The following BMPR1B variants were observed in gnomAD, a reference collection of about 807,000 sequenced individuals.
BMPR1B encodes bone morphogenetic protein receptor type-1B.
Under a neutral mutation model 59.1 loss-of-function variants are expected in BMPR1B, and 12 were observed. That is an observed-to-expected ratio of 0.20 (90% CI 0.13 to 0.33). The LOEUF (loss-of-function observed/expected upper bound fraction) is 0.33, where lower values mean the gene tolerates loss of function less well. Among genes scored for constraint, BMPR1B ranks in the 10% least tolerant of loss-of-function variants. The pLI is 1.00. For missense variants in BMPR1B, 550 were observed against 610.9 expected (o/e 0.90, Z 1.05); for synonymous variants, 237 against 207.3 (o/e 1.14, Z -1.23).
At chr4:95,086,998 CTTTTTTT>C (rs34460668) in intron 3 of BMPR1B, among the ~76,000 whole-genome samples, 1 of 103,100 alleles carries the variant, frequency 9.7e-6, no homozygotes, top group Non-Finnish European at 1.9e-5. Flanking sequence ...TCATATCCTT[CTTTTTTT>C]TTTTTTTTTT....
chr4:95,075,064 C>G (rs1391787049), intron 3 of BMPR1B, among the ~76,000 whole-genome samples: 1 of 152,104 alleles, frequency 6.6e-6, no homozygotes, highest in Non-Finnish European at 1.5e-5. Context: ...CCCACTTACT[C>G]TTAAGTAATT....
Position 95,125,053 on chromosome 4 carries a change from G to A in BMPR1B, c.517G>A (p.Gly173Arg). Residue 173 changes from glycine to arginine, a missense_variant, in exon 8 of 13, where the codon GGA (glycine) becomes AGA (arginine). Transcript: ENST00000515059. ...LEQDETYIPP[G>R]ESLRDLIEQS... ...ACAGGATGAAACTTACATTCCTCCT[G>A]GAGAATCCCTGAGAGACTTAATTGA... 1.2e-6 allele frequency: 2 copies of A among 1,613,762 alleles called. No individual in the cohort carries two copies. Among genetic ancestry groups the A allele is most frequent in the Admixed American group, 1.7e-5 (1 of 59,950 alleles).
intron 2 of BMPR1B, among the ~76,000 whole-genome samples, chr4:94,902,241 CACACACACAGAGAGAGAGAGAG>C (rs1376797108): frequency 2.0e-5 from 2 of 97,766 alleles, no homozygotes; most frequent in Non-Finnish European, 4.2e-5. Flanking sequence ...CACACACACA[CACACACACAGAGAGAGAGAGAG>C]AGAGAGAGAG....
intron 2 of BMPR1B, among the ~76,000 whole-genome samples, chr4:94,900,822 C>T (rs1037724099): frequency 6.6e-6 from 1 of 152,006 alleles, no homozygotes; most frequent in African/African-American, 2.4e-5. Context: ...TTTAAAAATA[C>T]ATAGTCCTCA....
intron 10 of BMPR1B, among the ~76,000 whole-genome samples, chr4:95,138,639 C>G (rs868209805): frequency 5.3e-4 from 81 of 152,156 alleles, no homozygotes; most frequent in African/African-American, 1.9e-3. Context: ...CTTCTCTTCT[C>G]ACTTCATTTC....
intron 1 of BMPR1B, among the ~76,000 whole-genome samples, chr4:94,797,787 A>G (rs1052262460): frequency 6.6e-6 from 1 of 152,212 alleles, no homozygotes; most frequent in Non-Finnish European, 1.5e-5. Context: ...AGTACTCTAG[A>G]TGATTCTTAT....
intron 2 of BMPR1B, among the ~76,000 whole-genome samples, chr4:94,896,882 G>T (rs540202791): frequency 6.6e-6 from 1 of 152,028 alleles, no homozygotes; most frequent in Non-Finnish European, 1.5e-5. Flanking sequence ...TAAGTGAAAT[G>T]AATAGAGGGT....
chr4:95,127,378 T>G (rs1732984031), intron 8 of BMPR1B, among the ~76,000 whole-genome samples: 1 of 152,156 alleles, frequency 6.6e-6, no homozygotes, highest in South Asian at 2.1e-4. Flanking sequence ...AATAGCTTAC[T>G]TTCTGTCTTT....
intron 1 of BMPR1B, among the ~76,000 whole-genome samples, chr4:94,797,297 G>T (rs1316298510): frequency 6.6e-6 from 1 of 152,188 alleles, no homozygotes; most frequent in Admixed American, 6.5e-5. Context: ...AATTCAATTT[G>T]AGATTTGGGT....
chr4:94,888,873 A>G (rs973018477), intron 2 of BMPR1B, among the ~76,000 whole-genome samples: 5 of 152,062 alleles, frequency 3.3e-5, no homozygotes, highest in Non-Finnish European at 7.4e-5. Flanking sequence ...TATCATAATG[A>G]TATATCTCCA....
At chr4:94,961,404 C>A (rs1730348313) in intron 2 of BMPR1B, among the ~76,000 whole-genome samples, 1 of 152,120 alleles carries the variant, frequency 6.6e-6, no homozygotes, top group South Asian at 2.1e-4. Flanking sequence ...GTTTGCTGAT[C>A]TCTGAGGTAG....
chr4:94,961,058 T>C (rs921436745), intron 2 of BMPR1B, among the ~76,000 whole-genome samples: 4 of 152,112 alleles, frequency 2.6e-5, no homozygotes, highest in Admixed American at 2.6e-4. Flanking sequence ...TTAACAGACC[T>C]GTCTGTTATC....
intron 1 of BMPR1B, among the ~76,000 whole-genome samples, chr4:94,794,097 T>C (rs1166924812): frequency 3.6e-4 from 54 of 150,206 alleles, no homozygotes; most frequent in African/African-American, 7.9e-4. Flanking sequence ...CTTGCCCATG[T>C]CTATGTCCTG....
intron 1 of BMPR1B, among the ~76,000 whole-genome samples, chr4:94,834,202 C>T (rs1724709619): frequency 6.6e-6 from 1 of 152,164 alleles, no homozygotes; most frequent in African/African-American, 2.4e-5. Flanking sequence ...TGAGTATCAG[C>T]AGGTGATCAT....
chr4:94,834,380 C>A (rs1449904024), intron 1 of BMPR1B, among the ~76,000 whole-genome samples: 1 of 152,164 alleles, frequency 6.6e-6, no homozygotes, highest in East Asian at 1.9e-4. Flanking sequence ...CTTATACTGT[C>A]CCATTTTCTT....
chr4:94,901,403 A>C (rs1205779273), intron 2 of BMPR1B, among the ~76,000 whole-genome samples: 1 of 151,936 alleles, frequency 6.6e-6, no homozygotes, highest in East Asian at 1.9e-4. Flanking sequence ...GTGGAGAAGG[A>C]GTGCCTAAAA....
In BMPR1B at chr4:95,131,326, A is replaced by C. The variant is rs1435147011; in HGVS notation, c.890A>C (p.Asp297Ala). 1 of 1,613,906 alleles carries C rather than the reference A, an allele frequency of 6.2e-7. No homozygotes were observed. The highest frequency in any genetic ancestry group is 8.5e-7 in the Non-Finnish European group (1 of 1,180,012). ...GATTATCTGAAGTCCACCACCCTAGACGCTAAATCAATGCTGAAGTTAGCC... is the reference window on the plus strand; with the variant it reads ...GATTATCTGAAGTCCACCACCCTAGCCGCTAAATCAATGCTGAAGTTAGCC... ...LYDYLKSTTLDAKSMLKLAYS... is the reference protein window; with the variant it reads ...LYDYLKSTTLAAKSMLKLAYS... Residue 297 changes from aspartate (D) to alanine (A), a missense_variant, in exon 10 of 13, where the codon GAC becomes GCC. Around this residue, in one of 6 missense-constraint regions of BMPR1B, gnomAD observed 318 missense variants for 284.6 expected, o/e 1.12. Transcript: ENST00000515059.
intron 2 of BMPR1B, among the ~76,000 whole-genome samples, chr4:94,894,466 G>A (rs990255415): frequency 6.7e-5 from 10 of 149,866 alleles, no homozygotes; most frequent in Non-Finnish European, 1.3e-4. Context: ...GAGAGAAAGC[G>A]AGAAATCCCT....
At chr4:94,930,582 G>A (rs533528050) in intron 2 of BMPR1B, among the ~76,000 whole-genome samples, 2 of 152,240 alleles carry the variant, frequency 1.3e-5, no homozygotes, top group South Asian at 2.1e-4. Context: ...CAATGGGAAT[G>A]TTGAATGGAT....
Sources: gnomAD v4.1 joint callset for allele counts (sites outside exome capture counted in the v4.1 genomes callset) on GRCh38, gnomAD v4.1.1 for gene constraint, gnomAD v4.1.1 regional missense constraint, MANE v1.5 for transcripts, NCBI Gene and HGNC (gene_info 2026-07-23, HGNC 2026-07-21) for gene names.